Variants in CREB3L2 observed in about 807,000 individuals in gnomAD.
The protein encoded by CREB3L2 is cyclic AMP-responsive element-binding protein 3-like protein 2.
Under a neutral mutation model 57.2 loss-of-function variants are expected in CREB3L2, and 23 were observed. That is an observed-to-expected ratio of 0.40 (90% CI 0.29 to 0.57). CREB3L2 has a LOEUF of 0.57. Ranked by LOEUF, CREB3L2 falls within the 20% of genes least tolerant of loss-of-function variation. The pLI is 0.42. For missense variants in CREB3L2, 628 were observed against 634.7 expected, an observed-to-expected ratio of 0.99 and a Z score of 0.11; for synonymous variants, 268 against 265.1, an observed-to-expected ratio of 1.01 and a Z score of -0.11.
At chr7:137,988,158 C>G (rs1261410986) in intron 1 of CREB3L2, among the ~76,000 whole-genome samples, 2 of 152,226 alleles carry the variant, frequency 1.3e-5, no homozygotes, top group Non-Finnish European at 2.9e-5. Flanking sequence ...AGGGCTTCCT[C>G]CTCCCACACC....
intron 1 of CREB3L2, among the ~76,000 whole-genome samples, chr7:137,979,569 CA>C (rs1396939113): frequency 6.6e-6 from 1 of 151,922 alleles, no homozygotes; most frequent in Non-Finnish European, 1.5e-5. Flanking sequence ...ACTAAAAATA[CA>C]AAAAAATTAG....
Position 137,915,860 on chromosome 7 carries a change from G to A in CREB3L2, c.472C>T (p.Pro158Ser). The A allele has an allele frequency of 1.2e-6, 2 of 1,614,058 alleles. No homozygotes were observed. The highest frequency in any genetic ancestry group is 1.7e-6 in the Non-Finnish European group (2 of 1,179,972). The change falls in exon 3 of 12, where the codon CCT becomes TCT. Residue 158 changes from proline (P) to serine (S), a missense_variant. Pro to Ser is a moderately conservative substitution (Grantham distance 74). Around this residue, in one of 3 missense-constraint regions of CREB3L2, gnomAD observed 339 missense variants for 355.4 expected, o/e 0.95. Transcript: ENST00000330387. ...AISTPLEKEE[P>S]PLEMNTGVDS... ...ACCCCAGTGTTCATTTCCAGAGGAG[G>A]TTCCTCCTTTTCCAACGGGGTGGAG...
At chr7:137,994,355 T>C (rs1801949073) in intron 1 of CREB3L2, among the ~76,000 whole-genome samples, 1 of 152,198 alleles carries the variant, frequency 6.6e-6, no homozygotes, top group Non-Finnish European at 1.5e-5. Context: ...CTTTGAAAAA[T>C]GGCATTTAGC....
chr7:137,920,352 CAGG>C (rs1800246578), intron 2 of CREB3L2, among the ~76,000 whole-genome samples: 1 of 152,146 alleles, frequency 6.6e-6, no homozygotes, highest in Non-Finnish European at 1.5e-5. Flanking sequence ...CTAGTGATCT[CAGG>C]AGAAGGATGA....
intron 2 of CREB3L2, among the ~76,000 whole-genome samples, chr7:137,920,530 G>A (rs1054666433): frequency 6.6e-6 from 1 of 152,192 alleles, no homozygotes; most frequent in Non-Finnish European, 1.5e-5. Flanking sequence ...CTGAGTGACT[G>A]AGTTTGGGGG....
rs577064609 is a variant in CREB3L2, at chr7:137,932,911, T to G, written c.103-4545A>C. 7.2e-5 allele frequency among the ~76,000 whole-genome samples: 11 copies of G among 152,296 alleles called. No individual in the cohort carries two copies. In the South Asian group the frequency reaches 2.3e-3, roughly 32 times the overall value. On this transcript the variant is annotated intron_variant, in intron 1 of 11. Coordinates refer to ENST00000330387, the MANE Select transcript of CREB3L2 (RefSeq NM_194071.4). The stretch of plus-strand genomic sequence containing the variant: ...TATGTGCAGATAAATTACCTGGGGC[T>G]CCTAAGCCGTCGCTTCTGACTCACA...
intron 2 of CREB3L2, among the ~76,000 whole-genome samples, chr7:137,919,013 G>T (rs765778271): frequency 2.6e-5 from 4 of 152,162 alleles, no homozygotes; most frequent in Non-Finnish European, 5.9e-5. Flanking sequence ...ACATTTCCAA[G>T]AGAGAAGCCC....
intron 1 of CREB3L2, among the ~76,000 whole-genome samples, chr7:137,963,568 C>T (rs1801360098): frequency 6.6e-6 from 1 of 152,150 alleles, no homozygotes; most frequent in African/African-American, 2.4e-5. Flanking sequence ...GTATCATGAT[C>T]CACCCCTCCC....
At chr7:137,906,765 C>A (rs1043048463) in intron 5 of CREB3L2, among the ~76,000 whole-genome samples, 1 of 152,164 alleles carries the variant, frequency 6.6e-6, no homozygotes, top group African/African-American at 2.4e-5. Context: ...ATGAATCTCA[C>A]AAGATCTGAT....
chr7:137,959,257 C>G (rs1801275939), intron 1 of CREB3L2, among the ~76,000 whole-genome samples: 1 of 152,246 alleles, frequency 6.6e-6, no homozygotes, highest in African/African-American at 2.4e-5. Flanking sequence ...AGTTCTGAAA[C>G]TGGGCCCCAA....
intron 1 of CREB3L2, among the ~76,000 whole-genome samples, chr7:137,975,920 C>A (rs968885673): frequency 1.3e-5 from 2 of 152,212 alleles, no homozygotes; most frequent in Non-Finnish European, 2.9e-5. Context: ...AAATCCAATA[C>A]AATTCAGCTC....
chr7:137,997,160 A>G (rs1802000807), intron 1 of CREB3L2, among the ~76,000 whole-genome samples: 1 of 152,072 alleles, frequency 6.6e-6, no homozygotes, highest in Non-Finnish European at 1.5e-5. Context: ...TTTTTCCCCC[A>G]AGAACACTTG....
chr7:137,964,562 G>A (rs1801378715), intron 1 of CREB3L2, among the ~76,000 whole-genome samples: 1 of 152,128 alleles, frequency 6.6e-6, no homozygotes, highest in African/African-American at 2.4e-5. Context: ...TCAGTTAAAG[G>A]CTTTCTTTGT....
intron 1 of CREB3L2, among the ~76,000 whole-genome samples, chr7:137,936,236 G>T (rs1361319658): frequency 2.0e-5 from 3 of 152,190 alleles, no homozygotes; most frequent in Non-Finnish European, 4.4e-5. Context: ...TATGTCCTGT[G>T]CCCCATCATC....
Position 137,885,137 on chromosome 7 carries a change from A to T in CREB3L2, c.1144-16T>A, listed in dbSNP as rs1207741814. On this transcript the variant is annotated splice_polypyrimidine_tract_variant and intron_variant, in intron 9 of 11. Coordinates refer to ENST00000330387, the MANE Select transcript of CREB3L2 (RefSeq NM_194071.4). Reference sequence around the variant, plus strand: ...GCACCACAACCTGTGGGAGAGAAAGAGGGGAGAGAGAACACGAGGGGCTGT... The same window carrying T: ...GCACCACAACCTGTGGGAGAGAAAGTGGGGAGAGAGAACACGAGGGGCTGT... The T allele has an allele frequency of 3.1e-6, 5 of 1,613,364 alleles. No individual in the cohort carries two copies. Among genetic ancestry groups the T allele is most frequent in the African/African-American group, 1.3e-5 (1 of 74,904 alleles).
chr7:137,879,166 C>T lies in CREB3L2; in HGVS notation c.*1310G>A, dbSNP rs1294456511. On this transcript the variant is annotated 3_prime_UTR_variant, in exon 12 of 12. Coordinates refer to ENST00000330387, the MANE Select transcript of CREB3L2 (RefSeq NM_194071.4). ...TTAAACTACAAAAGTTACTTTTAAC[C>T]ATAAAAAAAAAACAAAAAAACTAAA... is the stretch of plus-strand genomic sequence containing the variant. 1.4e-5 allele frequency: 7 copies of T among 501,894 alleles called. No individual in the cohort carries two copies. Among genetic ancestry groups the T allele is most frequent in the Admixed American group, 2.6e-5 (1 of 38,776 alleles). The allele number at this position is 501,894 out of a possible 1,614,324, so 31.1% of individuals were successfully genotyped here. A position where few individuals can be genotyped will look rare whatever the true frequency, so the allele number is the denominator to read the frequency against.
At chr7:137,913,131 A>G (rs1800052517) in intron 3 of CREB3L2, 53 bp from the exon 4 acceptor site, 10 of 1,567,134 alleles carry the variant, frequency 6.4e-6, no homozygotes, top group Non-Finnish European at 7.8e-6. Context: ...AGCCTTGAAG[A>G]CACATGCAGG....
intron 9 of CREB3L2, 82 bp downstream of exon 9, chr7:137,885,321 C>T (rs996770333): frequency 2.9e-5 from 38 of 1,319,642 alleles, no homozygotes; most frequent in Middle Eastern, 2.3e-4. Flanking sequence ...CAGCACAGCA[C>T]TTGGCCTTGG....
At chr7:137,919,627 C>A (rs1800226190) in intron 2 of CREB3L2, among the ~76,000 whole-genome samples, 1 of 152,120 alleles carries the variant, frequency 6.6e-6, no homozygotes, top group Non-Finnish European at 1.5e-5. Context: ...CTCACTAGGG[C>A]ATTGTTTATG....
Sources: gnomAD v4.1 joint callset for allele counts (sites outside exome capture counted in the v4.1 genomes callset) on GRCh38, gnomAD v4.1.1 for gene constraint, gnomAD v4.1.1 regional missense constraint, MANE v1.5 for transcripts, NCBI Gene and HGNC (gene_info 2026-07-23, HGNC 2026-07-21) for gene names.